Variants in KAZN observed in about 807,000 individuals in gnomAD.
KAZN encodes kazrin, periplakin interacting protein.
Under a neutral mutation model 87.4 loss-of-function variants are expected in KAZN, and 40 were observed. The ratio of observed to expected loss-of-function variants is 0.46; its 90% CI spans 0.36 to 0.60. The LOEUF is 0.60. Among genes scored for constraint, KAZN ranks in the 20% least tolerant of loss-of-function variants. The probability of loss-of-function intolerance (pLI) is 0.00; values close to 1 mark genes in which losing one functional copy is unlikely to be tolerated. For missense variants in KAZN, 898 were observed against 1,073.9 expected (o/e 0.84, Z 2.29); for synonymous variants, 466 against 458.3 (o/e 1.02, Z -0.22).
intron 1 of KAZN, among the ~76,000 whole-genome samples, chr1:14,754,625 T>A (rs997776363): frequency 1.3e-5 from 2 of 152,070 alleles, no homozygotes; most frequent in Admixed American, 1.3e-4. Flanking sequence ...AGAGGGAGAT[T>A]CGGTCTAAAA....
chr1:14,274,781 C>T (rs1652217891), intron 2 of KAZN, among the ~76,000 whole-genome samples: 2 of 152,108 alleles, frequency 1.3e-5, no homozygotes, highest in African/African-American at 4.8e-5. Context: ...TGATAATACA[C>T]ACATCACAGC....
chr1:14,372,112 T>A (rs774756494), intron 2 of KAZN, among the ~76,000 whole-genome samples: 4 of 152,160 alleles, frequency 2.6e-5, no homozygotes, highest in South Asian at 2.1e-4. Flanking sequence ...GTAAAAGGAA[T>A]TTTTCTGTAT....
rs1044623427 is a variant in KAZN at position 15,034,880 on chromosome 1, C to T, written c.550C>T (p.Arg184Cys). The change falls in exon 3 of 15, where the codon CGC becomes TGC. Residue 184 changes from arginine (R) to cysteine (C), a missense_variant. Arg to Cys is a radical substitution (Grantham distance 180, BLOSUM62 -3). Around this residue, in one of 3 missense-constraint regions of KAZN, gnomAD observed 250 missense variants for 263.0 expected, o/e 0.95. Coordinates refer to ENST00000376030, the MANE Select transcript of KAZN (RefSeq NM_201628.3). ...CTTCATCCGCAACTATGAGCAGCAC[C>T]GCAAGGTCAGCCGCCGCCCTGCCCT... ...RDFIRNYEQH[R>C]KESEDAVKAL... The T allele has an allele frequency of 3.7e-6, 6 of 1,613,740 alleles. No homozygotes were observed. Among genetic ancestry groups the T allele is most frequent in the Non-Finnish European group, 5.1e-6 (6 of 1,179,910 alleles).
In KAZN at chr1:14,727,472, T is replaced by C. The variant is rs1347870348; in HGVS notation, c.226+128249T>C. On this transcript the variant is annotated intron_variant, in intron 1 of 14. Coordinates refer to ENST00000376030, the MANE Select transcript of KAZN (RefSeq NM_201628.3). ...TTTCTTTTTTTTTTTTTTTTTTTTTTTTTTTTTTTTTTTTTTTTTTTTTTG... is the reference window on the plus strand; with the variant it reads ...TTTCTTTTTTTTTTTTTTTTTTTTTCTTTTTTTTTTTTTTTTTTTTTTTTG... 4.2e-4 allele frequency among the ~76,000 whole-genome samples: 36 copies of C among 85,008 alleles called. 2 individuals carry two copies. Among genetic ancestry groups the C allele is most frequent in the African/African-American group, 1.6e-3 (32 of 20,138 alleles). 55.8% of individuals were successfully genotyped at this position (85,008 alleles called of 152,430 possible).
chr1:14,521,280 A>T (rs960057839), intron 2 of KAZN, among the ~76,000 whole-genome samples: 1 of 152,122 alleles, frequency 6.6e-6, no homozygotes, highest in African/African-American at 2.4e-5. Flanking sequence ...ATCTCTTTTC[A>T]CTCAGTGTGC....
chr1:14,483,881 G>A (rs1669210305), intron 2 of KAZN, among the ~76,000 whole-genome samples: 1 of 152,112 alleles, frequency 6.6e-6, no homozygotes, highest in Non-Finnish European at 1.5e-5. Flanking sequence ...TCTTCCAGTA[G>A]TTTTATAGTT....
At chr1:14,168,081 C>T (rs969568797) in intron 1 of KAZN, among the ~76,000 whole-genome samples, 3 of 152,240 alleles carry the variant, frequency 2.0e-5, no homozygotes, top group African/African-American at 7.2e-5. Flanking sequence ...GCCGCTTCCT[C>T]TTCCTTGAGC....
intron 2 of KAZN, among the ~76,000 whole-genome samples, chr1:14,969,903 T>C (rs1469186397): frequency 6.6e-6 from 1 of 152,148 alleles, no homozygotes; most frequent in Non-Finnish European, 1.5e-5. Flanking sequence ...AACCTCTACC[T>C]CCTGGGTTCA....
At chr1:14,360,331 G>C (rs1659399511) in intron 2 of KAZN, among the ~76,000 whole-genome samples, 1 of 152,122 alleles carries the variant, frequency 6.6e-6, no homozygotes, top group Admixed American at 6.5e-5. Context: ...ATTGTAGTTA[G>C]AAATTCCTCT....
At chr1:14,519,398 G>C (rs1374985516) in intron 2 of KAZN, among the ~76,000 whole-genome samples, 1 of 152,164 alleles carries the variant, frequency 6.6e-6, no homozygotes, top group Non-Finnish European at 1.5e-5. Context: ...AACAAAGAAA[G>C]GACTTGTCTG....
intron 1 of KAZN, among the ~76,000 whole-genome samples, chr1:14,669,460 A>G (rs1639780846): frequency 6.6e-6 from 1 of 152,208 alleles, no homozygotes; most frequent in African/African-American, 2.4e-5. Context: ...AGTAGAACCA[A>G]GAGCTGGGCG....
At position 15,114,917 on chromosome 1, in the gene KAZN, A is replaced by G; in HGVS notation, c.*282A>G. 1 of 293,404 alleles carries G rather than the reference A, an allele frequency of 3.4e-6. No homozygotes were observed. Among genetic ancestry groups the G allele is most frequent in the Non-Finnish European group, 6.4e-6 (1 of 155,654 alleles). The allele number at this position is 293,404 out of a possible 1,614,324, so 18.2% of individuals were successfully genotyped here. The stretch of plus-strand genomic sequence containing the variant: ...CCGGCCCTGCCTCCATCCAGGATAC[A>G]CAGGCTCCACCTCAGAGTGACCGTC... On this transcript the variant is annotated 3_prime_UTR_variant, in exon 15 of 15. Transcript: ENST00000376030.
chr1:14,916,170 CTTTT>C (rs71307000), intron 1 of KAZN, among the ~76,000 whole-genome samples: 1 of 113,596 alleles, frequency 8.8e-6, no homozygotes, highest in Non-Finnish European at 1.7e-5. Context: ...CACTGTTGTT[CTTTT>C]TTTTTTTTTT....
rs1640941585 is a variant in KAZN, at chr1:15,099,293, G to A, written c.1548-2250G>A. Among the ~76,000 whole-genome samples, 1 of 152,222 alleles carries A rather than the reference G, an allele frequency of 6.6e-6. No individual in the cohort carries two copies. Among genetic ancestry groups the A allele is most frequent in the Non-Finnish European group, 1.5e-5 (1 of 68,038 alleles). ...CTGTGCACGTAGACTGTGCTGTTTGGCAGTGAACGCAGTTTCTGTCCTGAA... is the reference window on the plus strand; with the variant it reads ...CTGTGCACGTAGACTGTGCTGTTTGACAGTGAACGCAGTTTCTGTCCTGAA... On this transcript the variant is annotated intron_variant, in intron 10 of 14. Transcript: ENST00000376030. The surrounding 1 kb of genome is among the most constrained non-coding windows in gnomAD (Gnocchi z 5.4).
At chr1:14,705,302 C>A (rs1642152381) in intron 1 of KAZN, among the ~76,000 whole-genome samples, 1 of 152,104 alleles carries the variant, frequency 6.6e-6, no homozygotes, top group South Asian at 2.1e-4. Flanking sequence ...GCCTTATGTC[C>A]AAGAGAGAAC....
At chr1:14,945,722 C>T (rs1207730945) in intron 1 of KAZN, among the ~76,000 whole-genome samples, 1 of 152,260 alleles carries the variant, frequency 6.6e-6, no homozygotes, top group Non-Finnish European at 1.5e-5. Flanking sequence ...AGCAGCTGCT[C>T]AGGCAGGCTG....
chr1:14,658,393 A>G (rs969842960), intron 1 of KAZN, among the ~76,000 whole-genome samples: 1 of 152,174 alleles, frequency 6.6e-6, no homozygotes, highest in Non-Finnish European at 1.5e-5. Context: ...CTGTTTCACC[A>G]ACTCTGAGCC....
intron 2 of KAZN, among the ~76,000 whole-genome samples, chr1:14,362,329 G>A (rs1009336311): frequency 6.6e-6 from 1 of 152,166 alleles, no homozygotes. Context: ...CTCAGTTTTT[G>A]TGATACGGCC....
At position 14,534,099 on chromosome 1, in the gene KAZN, AGGAC is replaced by A. The variant is rs564022458; in HGVS notation, c.250-64880_250-64877del. On this transcript the variant is annotated intron_variant, in intron 2 of 16. Transcript: ENST00000636203. ...AACCCTTTCTGAAAAGATGAGACCA[AGGAC>A]GGAGGTGCATCCAGGCAAGAATAAC... 2.5e-4 allele frequency among the ~76,000 whole-genome samples: 38 copies of A among 152,312 alleles called. No homozygotes were observed. The East Asian group carries it at 7.3e-3, about 29-fold the overall frequency.
Sources: gnomAD v4.1 joint callset for allele counts (sites outside exome capture counted in the v4.1 genomes callset) on GRCh38, gnomAD v4.1.1 for gene constraint, gnomAD v4.1.1 regional missense constraint, Gnocchi (gnomAD v3.1) non-coding constraint, MANE v1.5 for transcripts, NCBI Gene and HGNC (gene_info 2026-07-23, HGNC 2026-07-21) for gene names.